Variants in ATG7 observed in about 807,000 individuals in gnomAD.
The protein encoded by ATG7 is autophagy related 7.
A neutral mutation model predicts 82.4 loss-of-function variants in ATG7; 70 were observed. The ratio of observed to expected loss-of-function variants is 0.85; its 90% confidence interval spans 0.70 to 1.04. The LOEUF (loss-of-function observed/expected upper bound fraction) is 1.04, where lower values mean the gene tolerates loss of function less well. Ranked by LOEUF, ATG7 falls within the 50% of genes least tolerant of loss-of-function variation. The pLI is 0.00. For synonymous variants in ATG7, 287 were observed against 313.0 expected (o/e 0.92, Z 0.88); for missense variants, 792 against 864.3 (o/e 0.92, Z 1.05).
At chr3:11,469,653 T>C (rs2087224867) in intron 20 of ATG7, among the ~76,000 whole-genome samples, 1 of 152,024 alleles carries the variant, frequency 6.6e-6, no homozygotes, top group African/African-American at 2.4e-5. Context: ...GTTAGCCCTG[T>C]CCACTGCAGC....
At chr3:11,485,426 A>C (rs2089509110) in intron 20 of ATG7, among the ~76,000 whole-genome samples, 1 of 152,152 alleles carries the variant, frequency 6.6e-6, no homozygotes, top group Non-Finnish European at 1.5e-5. Context: ...AGTTCATTGT[A>C]GATTCTGGAC....
intron 20 of ATG7, among the ~76,000 whole-genome samples, chr3:11,459,559 A>T (rs1035916387): frequency 1.3e-5 from 2 of 152,054 alleles, no homozygotes; most frequent in Non-Finnish European, 2.9e-5. Flanking sequence ...CCAAAATTCA[A>T]CATGAATTGT....
intron 20 of ATG7, among the ~76,000 whole-genome samples, chr3:11,441,604 T>G (rs1300795469): frequency 6.6e-6 from 1 of 151,940 alleles, no homozygotes; most frequent in Non-Finnish European, 1.5e-5. Flanking sequence ...TACAAGTTTC[T>G]GTACCCAAAT....
At chr3:11,519,465 G>A (rs1461911335) in intron 20 of ATG7, among the ~76,000 whole-genome samples, 2 of 151,154 alleles carry the variant, frequency 1.3e-5, no homozygotes, top group East Asian at 1.9e-4. Context: ...AGTGCGGAGG[G>A]GTAAATTGGG....
At chr3:11,542,363 C>G (rs1192451428) in intron 20 of ATG7, among the ~76,000 whole-genome samples, 2 of 152,192 alleles carry the variant, frequency 1.3e-5, no homozygotes, top group African/African-American at 4.8e-5. Context: ...AGGGGGAGAC[C>G]TAGAGCAGCC....
chr3:11,474,371 A>G (rs1362927681), intron 20 of ATG7, among the ~76,000 whole-genome samples: 1 of 152,234 alleles, frequency 6.6e-6, no homozygotes, highest in Non-Finnish European at 1.5e-5. Flanking sequence ...GGCCCGAGGT[A>G]GGTGGACCAC....
chr3:11,568,290 G>A, the ATG7 span, among the ~76,000 whole-genome samples: 8 of 152,304 alleles, frequency 5.3e-5, no homozygotes, highest in South Asian at 4.1e-4. The surrounding 1 kb of genome is among the most constrained non-coding windows in gnomAD (Gnocchi z 5.9). Flanking sequence ...ACTCAGCTGC[G>A]CCTTAGGAAA....
chr3:11,408,872 C>G (rs1576183452), intron 19 of ATG7, among the ~76,000 whole-genome samples: 1 of 152,238 alleles, frequency 6.6e-6, no homozygotes, highest in East Asian at 1.9e-4. Flanking sequence ...ATTAGTCTCC[C>G]AAAATGCTGG....
chr3:11,300,322 A>G (rs1192182770), intron 5 of ATG7, among the ~76,000 whole-genome samples: 3 of 152,054 alleles, frequency 2.0e-5, no homozygotes, highest in Non-Finnish European at 4.4e-5. Context: ...CTTTTTTCAG[A>G]TGAGGAAAGC....
At chr3:11,280,494 C>A (rs1942854012) in intron 1 of ATG7, among the ~76,000 whole-genome samples, 1 of 152,182 alleles carries the variant, frequency 6.6e-6, no homozygotes, top group African/African-American at 2.4e-5. Flanking sequence ...TGAACCTATG[C>A]CCTTTCCAGT....
At chr3:11,300,471 A>G (rs1445090148) in intron 5 of ATG7, among the ~76,000 whole-genome samples, 1 of 152,194 alleles carries the variant, frequency 6.6e-6, no homozygotes, top group East Asian at 1.9e-4. Flanking sequence ...GCTATCTTCT[A>G]CAGAAATAGA....
At chr3:11,434,874 C>T (rs1387513455) in intron 20 of ATG7, among the ~76,000 whole-genome samples, 1 of 152,190 alleles carries the variant, frequency 6.6e-6, no homozygotes, top group African/African-American at 2.4e-5. Context: ...CATGGGAATC[C>T]AGTCCTTCTT....
chr3:11,559,985 G>T (rs2072827663), downstream of ATG7, among the ~76,000 whole-genome samples: 1 of 152,152 alleles, frequency 6.6e-6, no homozygotes, highest in African/African-American at 2.4e-5. Context: ...GAGGAAATAT[G>T]CCTAAGTGTG....
chr3:11,276,838 A>C (rs1482070543), intron 1 of ATG7, among the ~76,000 whole-genome samples: 3 of 152,138 alleles, frequency 2.0e-5, no homozygotes, highest in Non-Finnish European at 2.9e-5. Context: ...ACTTGTTTAT[A>C]TGCTCATGAC....
chr3:11,299,884 A>G (rs937474943), intron 5 of ATG7, among the ~76,000 whole-genome samples: 3 of 151,822 alleles, frequency 2.0e-5, no homozygotes, highest in Non-Finnish European at 4.4e-5. Flanking sequence ...ATTTTTTTAA[A>G]TCTGCTTGGG....
intron 20 of ATG7, among the ~76,000 whole-genome samples, chr3:11,432,725 T>C (rs1403914092): frequency 6.6e-6 from 1 of 152,120 alleles, no homozygotes; most frequent in Non-Finnish European, 1.5e-5. Context: ...CATGGGGGAT[T>C]AGGAGGTTCA....
At chr3:11,508,048 C>T (rs535658394) in intron 20 of ATG7, among the ~76,000 whole-genome samples, 1 of 152,184 alleles carries the variant, frequency 6.6e-6, no homozygotes, top group East Asian at 1.9e-4. Flanking sequence ...TAAACAACAG[C>T]CTCTACCACA....
At chr3:11,527,687 C>G (rs1057295020) in intron 20 of ATG7, among the ~76,000 whole-genome samples, 1 of 152,216 alleles carries the variant, frequency 6.6e-6, no homozygotes. Context: ...TGAGAAAATT[C>G]TATCCTAGAA....
intron 20 of ATG7, chr3:11,477,285 G>T (rs2088366696): frequency 1.7e-6 from 2 of 1,203,106 alleles, no homozygotes; most frequent in South Asian, 1.5e-5. Flanking sequence ...GAACAATGAT[G>T]ATAAAATAAA....
Sources: allele counts gnomAD v4.1 joint callset (sites outside exome capture counted in the v4.1 genomes callset), GRCh38; gene constraint gnomAD v4.1.1; non-coding constraint Gnocchi (gnomAD v3.1); transcripts MANE v1.5; gene names NCBI Gene and HGNC (gene_info 2026-07-23, HGNC 2026-07-21).